The following SPECC1 variants were observed in gnomAD, a reference collection of about 807,000 sequenced individuals.
SPECC1 encodes sperm antigen with calponin homology and coiled-coil domains 1, also known as cytospin-B.
A neutral mutation model predicts 104.1 loss-of-function variants in SPECC1; 62 were observed. The ratio of observed to expected loss-of-function variants is 0.60; its 90% CI spans 0.49 to 0.74. The LOEUF (loss-of-function observed/expected upper bound fraction) is 0.74, where lower values mean the gene tolerates loss of function less well. Ranked by LOEUF, SPECC1 falls within the 30% of genes least tolerant of loss-of-function variation. The pLI is 0.00. For synonymous variants in SPECC1, 513 were observed against 501.6 expected (o/e 1.02, Z -0.30); for missense variants, 1,306 against 1,310.5 (o/e 1.00, Z 0.05).
At chr17:20,077,076 C>T (rs1157004667) in intron 1 of SPECC1, among the ~76,000 whole-genome samples, 3 of 151,906 alleles carry the variant, frequency 2.0e-5, no homozygotes, top group African/African-American at 7.3e-5. Flanking sequence ...AGTTATTTTC[C>T]CCAGTCTATT....
At chr17:20,066,703 A>G (rs1199265038) in intron 1 of SPECC1, among the ~76,000 whole-genome samples, 1 of 152,180 alleles carries the variant, frequency 6.6e-6, no homozygotes. Flanking sequence ...GAATTTACAA[A>G]TAGAGTCTGA....
intron 1 of SPECC1, among the ~76,000 whole-genome samples, chr17:20,061,289 C>T (rs2046175540): frequency 6.6e-6 from 1 of 152,212 alleles, no homozygotes; most frequent in African/African-American, 2.4e-5. Flanking sequence ...CCAGACTGGC[C>T]TGGAACTCCT....
intron 1 of SPECC1, among the ~76,000 whole-genome samples, chr17:20,025,527 A>G (rs1481084107): frequency 1.3e-5 from 2 of 152,186 alleles, no homozygotes; most frequent in Non-Finnish European, 2.9e-5. Context: ...TCATCCTTGT[A>G]GCATGTAGCT....
At chr17:20,126,225 C>T (rs556168693) in intron 3 of SPECC1, among the ~76,000 whole-genome samples, 1 of 152,082 alleles carries the variant, frequency 6.6e-6, no homozygotes, top group Non-Finnish European at 1.5e-5. Flanking sequence ...TCCTCCTTTC[C>T]TTTTTGTTGA....
chr17:20,152,981 C>A (rs1765836197), intron 3 of SPECC1, among the ~76,000 whole-genome samples: 1 of 152,174 alleles, frequency 6.6e-6, no homozygotes, highest in African/African-American at 2.4e-5. Context: ...TCTTATAAGG[C>A]CACCTATCCT....
Position 20,308,389 on chromosome 17 carries a change from C to CAAAAAAAAA in SPECC1, c.3117+2321_3117+2329dup, listed in dbSNP as rs3072413. On this transcript the variant is annotated intron_variant, in intron 14 of 14. Coordinates refer to ENST00000395527, the MANE Select transcript of SPECC1 (RefSeq NM_001243439.2). ...GGGTGACAAGAGCGAAACTCCATCT[C>CAAAAAAAAA]AAAAAAAAAAAAAAAAAAAAAATTC... Among the ~76,000 whole-genome samples, 131 of 66,574 alleles carry CAAAAAAAAA rather than the reference C, an allele frequency of 2.0e-3. 8 individuals carry two copies. The highest frequency in any genetic ancestry group is 9.0e-3 in the African/African-American group (126 of 14,058). The allele number at this position is 66,574 out of a possible 152,430, so 43.7% of individuals were successfully genotyped here. A position where few individuals can be genotyped will look rare whatever the true frequency, so the allele number is the denominator to read the frequency against.
At chr17:20,080,819 A>G (rs538778242) in intron 1 of SPECC1, among the ~76,000 whole-genome samples, 1 of 151,988 alleles carries the variant, frequency 6.6e-6, no homozygotes, top group South Asian at 2.1e-4. Flanking sequence ...GGATGCTGAG[A>G]GATTTGGGCA....
In SPECC1 at chr17:20,315,738, G is replaced by A. The variant is rs62066880; in HGVS notation, c.*1673G>A. ...CCTTCCTCCAAGCCAGACCTTTGCA[G>A]AGGTGGCAACTGGGCTGCACGGGTC... On this transcript the variant is annotated 3_prime_UTR_variant, in exon 15 of 15. Transcript: ENST00000395527. The A allele has an allele frequency of 0.012, 2,677 of 232,550 alleles. 14 individuals are homozygous for A. The highest frequency in any genetic ancestry group is 0.017 in the Non-Finnish European group (1,975 of 117,582). 14.4% of individuals were successfully genotyped at this position (232,550 alleles called of 1,614,324 possible). A position where few individuals can be genotyped will look rare whatever the true frequency, so the allele number is the denominator to read the frequency against.
At chr17:20,031,995 A>G (rs1459379810) in intron 1 of SPECC1, among the ~76,000 whole-genome samples, 1 of 152,206 alleles carries the variant, frequency 6.6e-6, no homozygotes, top group Non-Finnish European at 1.5e-5. Flanking sequence ...CCTGGTTTCA[A>G]TCCTTTTGGA....
At chr17:20,305,135 C>T (rs1009980072) in intron 13 of SPECC1, among the ~76,000 whole-genome samples, 7 of 152,056 alleles carry the variant, frequency 4.6e-5, no homozygotes, top group Non-Finnish European at 8.8e-5. Context: ...GTAGAGGACA[C>T]GTGCCCACAG....
At chr17:20,073,129 T>C (rs536886251) in intron 1 of SPECC1, among the ~76,000 whole-genome samples, 1 of 152,316 alleles carries the variant, frequency 6.6e-6, no homozygotes, top group South Asian at 2.1e-4. Context: ...TTCCGATGCC[T>C]ACCTTTGAGA....
At chr17:20,082,621 A>G (rs1218580672) in intron 1 of SPECC1, among the ~76,000 whole-genome samples, 5 of 152,000 alleles carry the variant, frequency 3.3e-5, no homozygotes, top group Admixed American at 3.3e-4. Flanking sequence ...ATATATATAT[A>G]TATTCACCTT....
chr17:20,182,128 T>G (rs1199264193), intron 3 of SPECC1, among the ~76,000 whole-genome samples: 1 of 150,734 alleles, frequency 6.6e-6, no homozygotes, highest in Non-Finnish European at 1.5e-5. Context: ...TCTTTTTTTT[T>G]TGGAGACAGG....
rs553468925 is a variant in SPECC1, at chr17:20,252,743, C to T, written c.2599-762C>T. On this transcript the variant is annotated intron_variant, in intron 9 of 14. Coordinates refer to ENST00000395527, the MANE Select transcript of SPECC1 (RefSeq NM_001243439.2). ...TAATATTCCATTGTATATTCTATACCACATTTTCTTCGTCCATTCATCTGG... is the reference window on the plus strand; with the variant it reads ...TAATATTCCATTGTATATTCTATACTACATTTTCTTCGTCCATTCATCTGG... Among the ~76,000 whole-genome samples, 20 of 152,184 alleles carry T rather than the reference C, an allele frequency of 1.3e-4. No individual in the cohort carries two copies. In the South Asian group the frequency reaches 4.1e-3, roughly 32 times the overall value.
intron 1 of SPECC1, chr17:20,018,250 AC>A (rs2044227051): frequency 6.6e-6 from 1 of 152,206 alleles, no homozygotes; most frequent in South Asian, 2.1e-4. Flanking sequence ...GGTTCTGAGT[AC>A]TTTTTACTTT....
intron 3 of SPECC1, among the ~76,000 whole-genome samples, chr17:20,164,404 C>G (rs777394623): frequency 1.3e-5 from 2 of 151,994 alleles, no homozygotes; most frequent in African/African-American, 4.8e-5. Flanking sequence ...TGGCCTCAAG[C>G]GGTCCTCTCA....
rs542856486 is a variant in SPECC1, at chr17:20,059,576, A to G, written c.-21-37055A>G. Among the ~76,000 whole-genome samples the G allele has an allele frequency of 1.6e-4, 24 of 152,182 alleles. No homozygotes were observed. The South Asian group carries it at 3.7e-3, about 24-fold the overall frequency. ...CATGAAGTGCAACTTCTTCTACTCT[A>G]TGTAGCAACCCCTTTTCTTTCTGGT... On this transcript the variant is annotated intron_variant, in intron 1 of 14. Transcript: ENST00000395527.
intron 1 of SPECC1, among the ~76,000 whole-genome samples, chr17:20,027,485 A>G (rs140908186): frequency 1.3e-5 from 2 of 152,274 alleles, no homozygotes; most frequent in Admixed American, 6.5e-5. Context: ...GGTTTTAGCC[A>G]TAAGATCTTT....
intron 5 of SPECC1, among the ~76,000 whole-genome samples, chr17:20,229,655 T>C (rs1394898272): frequency 6.6e-6 from 1 of 152,102 alleles, no homozygotes; most frequent in Non-Finnish European, 1.5e-5. Context: ...GCCTGGGCAA[T>C]AGAGCAAGAC....
Sources: gnomAD v4.1 joint callset for allele counts (sites outside exome capture counted in the v4.1 genomes callset) on GRCh38, gnomAD v4.1.1 for gene constraint, MANE v1.5 for transcripts, NCBI Gene and HGNC (gene_info 2026-07-23, HGNC 2026-07-21) for gene names.